The following MYO1H variants were observed in gnomAD, a reference collection of about 807,000 sequenced individuals.
MYO1H encodes the protein unconventional myosin-Ih.
In MYO1H, 118 loss-of-function variants were observed where a neutral mutation model predicts 149.3. The observed-to-expected ratio is 0.79, with a 90% CI of 0.68 to 0.92. MYO1H has a LOEUF of 0.92. Ranked by LOEUF, MYO1H falls within the 40% of genes least tolerant of loss-of-function variation. The pLI is 0.00. For synonymous variants in MYO1H, 447 were observed against 465.2 expected (o/e 0.96, Z 0.50); for missense variants, 1,212 against 1,280.7 (o/e 0.95, Z 0.82).
chr12:109,373,470 C>T (rs1441627843), intron 1 of MYO1H, among the ~76,000 whole-genome samples: 1 of 151,876 alleles, frequency 6.6e-6, no homozygotes, highest in African/African-American at 2.4e-5. Flanking sequence ...TTCACATGAT[C>T]TATTGATTTG....
At chr12:109,343,998 G>T (rs932313204), upstream of MYO1H, among the ~76,000 whole-genome samples, 4 of 152,070 alleles carry the variant, frequency 2.6e-5, no homozygotes, top group African/African-American at 9.7e-5. Context: ...GGCTTCTCTT[G>T]GCTGTGACAG....
intron 29 of MYO1H, 49 bp downstream of exon 29, chr12:109,444,332 C>T (rs1441053671): frequency 2.5e-6 from 4 of 1,582,730 alleles, no homozygotes; most frequent in Non-Finnish European, 3.5e-6. Context: ...CAATACACTG[C>T]CAAAATGTTA....
intron 1 of MYO1H, among the ~76,000 whole-genome samples, chr12:109,353,399 A>AAAAAAAAAAAAAAAAAG: frequency 1.9e-5 from 1 of 51,718 alleles, no homozygotes; most frequent in Non-Finnish European, 3.9e-5. Flanking sequence ...GTCTCAAAAA[A>AAAAAAAAAAAAAAAAAG]AAAAAAAAAA....
At chr12:109,439,585 G>C (rs138784673) in intron 23 of MYO1H, 46 bp from the exon 24 acceptor site, 21 of 1,555,294 alleles carry the variant, frequency 1.4e-5, no homozygotes, top group Non-Finnish European at 1.8e-5. Context: ...TGTAAATCTC[G>C]GTGAAGAAAT....
At chr12:109,397,637 C>G in intron 4 of MYO1H, 95 bp from the exon 5 acceptor site, 1 of 929,152 alleles carries the variant, frequency 1.1e-6, no homozygotes, top group South Asian at 2.1e-5. Context: ...TCCGCTCTCT[C>G]TCCTCCATTT....
chr12:109,319,111 GAT>G, the MYO1H span, among the ~76,000 whole-genome samples: 1 of 151,066 alleles, frequency 6.6e-6, no homozygotes, highest in Non-Finnish European at 1.5e-5. Context: ...ATCTCAAAGA[GAT>G]ATTTGCATAC....
At chr12:109,397,707 A>G in intron 4 of MYO1H, 25 bp from the exon 5 acceptor site, 1 of 1,592,512 alleles carries the variant, frequency 6.3e-7, no homozygotes, top group Non-Finnish European at 8.6e-7. Context: ...CTTAAATGAC[A>G]GTGAATGACA....
At position 109,444,174 on chromosome 12, in the gene MYO1H, T is replaced by G. The variant is rs749095467; in HGVS notation, c.2825-39T>G. 5 of 1,492,112 alleles carry G rather than the reference T, an allele frequency of 3.4e-6. No homozygotes were observed. The East Asian group carries it at 1.1e-4, about 34-fold the overall frequency. 92.4% of individuals were successfully genotyped at this position (1,492,112 alleles called of 1,614,324 possible). A position where few individuals can be genotyped will look rare whatever the true frequency, so the allele number is the denominator to read the frequency against. ...TTCTTCCTCTGTACTAATGTCAAGC[T>G]CTCTAGTTCTTGGCTCCTAACTCTG... On this transcript the variant is annotated intron_variant, in intron 28 of 31. Transcript: ENST00000310903.
the MYO1H span, among the ~76,000 whole-genome samples, chr12:109,324,170 G>A: frequency 5.9e-5 from 9 of 152,126 alleles, no homozygotes; most frequent in Admixed American, 2.0e-4. Context: ...CCTGGACTCG[G>A]GGCACTAAAG....
upstream of MYO1H, among the ~76,000 whole-genome samples, chr12:109,344,396 A>G (rs1244142190): frequency 6.6e-6 from 1 of 152,216 alleles, no homozygotes; most frequent in African/African-American, 2.4e-5. Flanking sequence ...AACATCAAGA[A>G]GAATAAAATA....
Position 109,443,019 on chromosome 12 carries a change from T to C in MYO1H, c.2689-495T>C, listed in dbSNP as rs953505207. ...CAGGAAAAAAAAAAAAATATATATA[T>C]ATATATATATGTGTGTGTGTGTGTG... On this transcript the variant is annotated intron_variant, in intron 27 of 31. Transcript: ENST00000310903. Among the ~76,000 whole-genome samples, 2 of 98,340 alleles carry C rather than the reference T, an allele frequency of 2.0e-5. 1 individual carries two copies. Among genetic ancestry groups the C allele is most frequent in the Non-Finnish European group, 4.0e-5 (2 of 49,454 alleles). The allele number at this position is 98,340 out of a possible 152,430, so 64.5% of individuals were successfully genotyped here. A position where few individuals can be genotyped will look rare whatever the true frequency, so the allele number is the denominator to read the frequency against.
intron 20 of MYO1H, 117 bp downstream of exon 20, chr12:109,433,127 G>T: frequency 1.2e-6 from 1 of 824,052 alleles, no homozygotes; most frequent in Non-Finnish European, 2.0e-6. Flanking sequence ...ATGGAGATTT[G>T]CGAGATTTAT....
At chr12:109,349,480 T>G (rs1189817990) in intron 1 of MYO1H, among the ~76,000 whole-genome samples, 1 of 138,276 alleles carries the variant, frequency 7.2e-6, no homozygotes, top group Admixed American at 7.6e-5. Context: ...ATGAGCAACA[T>G]AGTGTGACCC....
chr12:109,337,746 G>C, the MYO1H span, among the ~76,000 whole-genome samples: 1 of 152,130 alleles, frequency 6.6e-6, no homozygotes, highest in Non-Finnish European at 1.5e-5. Flanking sequence ...CCATATCATA[G>C]GGGTTTGACT....
chr12:109,360,446 G>C (rs1868719046), intron 1 of MYO1H, among the ~76,000 whole-genome samples: 1 of 152,094 alleles, frequency 6.6e-6, no homozygotes, highest in African/African-American at 2.4e-5. Context: ...TCTCTTCTCT[G>C]TCTCTGTCTC....
chr12:109,320,487 G>T, the MYO1H span, among the ~76,000 whole-genome samples: 48 of 147,338 alleles, frequency 3.3e-4, 1 homozygote, highest in Admixed American at 3.1e-3. Context: ...AGCCAGGTGT[G>T]GTGGCATGTG....
chr12:109,403,871 C>G, intron 6 of MYO1H, 111 bp from the exon 7 acceptor site: 1 of 630,010 alleles, frequency 1.6e-6, no homozygotes. Flanking sequence ...ATTTTTGATT[C>G]GCAATTCAGT....
exon 3 of MYO1H, chr12:109,393,382 A>G: frequency 6.3e-7 from 1 of 1,589,282 alleles, no homozygotes; most frequent in Non-Finnish European, 8.6e-7. Context: ...GGAGCTCGGA[A>G]TCTACACTGT....
intron 1 of MYO1H, among the ~76,000 whole-genome samples, chr12:109,350,996 C>CAGT (rs34918416): frequency 0.59 from 89,200 of 151,624 alleles, 26,704 homozygotes; most frequent in African/African-American, 0.68. Context: ...CAACCACCAT[C>CAGT]AGTAATTATT....
Sources: allele counts gnomAD v4.1 joint callset (sites outside exome capture counted in the v4.1 genomes callset), GRCh38; gene constraint gnomAD v4.1.1; transcripts MANE v1.5; gene names NCBI Gene and HGNC (gene_info 2026-07-23, HGNC 2026-07-21).